Variants in LYST observed in about 807,000 individuals in gnomAD.
The protein encoded by LYST is lysosomal-trafficking regulator.
LYST carries 192 observed loss-of-function variants against 413.6 expected under a neutral mutation model. That is an observed-to-expected ratio of 0.46 (90% CI 0.41 to 0.52). The LOEUF (loss-of-function observed/expected upper bound fraction) is 0.52. Among genes scored for constraint, LYST ranks in the 20% least tolerant of loss-of-function variants. The probability of loss-of-function intolerance (pLI) is 0.00; values close to 1 mark genes in which losing one functional copy is unlikely to be tolerated. For missense variants in LYST, 3,815 were observed against 4,499.9 expected, an observed-to-expected ratio of 0.85 and a Z score of 4.35; for synonymous variants, 1,525 against 1,567.3, an observed-to-expected ratio of 0.97 and a Z score of 0.64.
At chr1:235,717,269 T>A (rs1313252874) in intron 40 of LYST, among the ~76,000 whole-genome samples, 1 of 152,222 alleles carries the variant, frequency 6.6e-6, no homozygotes, top group African/African-American at 2.4e-5. Context: ...GTGCTTAAAA[T>A]GACCAAGCTG....
At chr1:235,811,023 T>A (rs1422664506) in intron 4 of LYST, among the ~76,000 whole-genome samples, 1 of 152,234 alleles carries the variant, frequency 6.6e-6, no homozygotes, top group East Asian at 1.9e-4. Flanking sequence ...TGCACGCCTG[T>A]AATCCCAGCT....
In LYST at chr1:235,830,477, A is replaced by C; in HGVS notation, c.-7-53T>G. On this transcript the variant is annotated intron_variant, in intron 2 of 52. Transcript: ENST00000389793. ...AGATTAGGAAAACAAATACAAATTTACTTTTAAAACTATGTGTTTTTGTTG... is the reference window on the plus strand; with the variant it reads ...AGATTAGGAAAACAAATACAAATTTCCTTTTAAAACTATGTGTTTTTGTTG... 4.5e-6 allele frequency: 6 copies of C among 1,330,512 alleles called. 1 individual carries two copies. The South Asian group carries it at 7.8e-5, about 17-fold the overall frequency. The allele number at this position is 1,330,512 out of a possible 1,614,324, so 82.4% of individuals were successfully genotyped here.
rs1401145458 is a variant in LYST, at chr1:235,810,286, C to T, written c.532G>A (p.Ala178Thr). Residue 178 changes from alanine (A) to threonine (T), a missense_variant, in exon 5 of 53, where the codon GCA becomes ACA. Ala to Thr is a moderately conservative substitution (Grantham distance 58). Transcript: ENST00000389793. ...TGGGGCCTTCTATGCTTATTCATTG[C>T]TATGCCTTTTTCATCTGAATTGGCT... The part of the protein sequence containing the change: ...SEANSDEKGI[A>T]MNKHRRPHLL... 6.2e-6 allele frequency: 10 copies of T among 1,613,982 alleles called. No homozygotes were observed. Among genetic ancestry groups the T allele is most frequent in the African/African-American group, 1.3e-5 (1 of 74,920 alleles).
intron 10 of LYST, 75 bp downstream of exon 10, chr1:235,800,226 AGGCATGAGCCACCACACCT>A: frequency 1.2e-6 from 1 of 846,930 alleles, no homozygotes. Flanking sequence ...CTAAGATCAC[AGGCATGAGCCACCACACCT>A]GGCCAGAAGC....
intron 13 of LYST, 78 bp downstream of exon 13, chr1:235,788,623 T>C (rs1049694073): frequency 8.7e-6 from 12 of 1,385,352 alleles, no homozygotes; most frequent in Non-Finnish European, 1.1e-5. Context: ...CTTTTATTAG[T>C]AGATTTCACA....
chr1:235,815,644 C>T (rs187538660), intron 3 of LYST, among the ~76,000 whole-genome samples: 36 of 152,210 alleles, frequency 2.4e-4, no homozygotes, highest in African/African-American at 6.3e-4. Context: ...ATCGACAACA[C>T]CCAAGCTGAG....
chr1:235,856,939 GATTTT>G lies in LYST; in HGVS notation c.-98+9899_-98+9903del, dbSNP rs767288291. On this transcript the variant is annotated intron_variant, in intron 1 of 52. Coordinates refer to ENST00000389793, the MANE Select transcript of LYST (RefSeq NM_000081.4). The stretch of plus-strand genomic sequence containing the variant: ...TCTTACAAGTTACACAGGATATACT[GATTTT>G]TTTTTTTTTTTTTTTTTTGAGATGA... Among the ~76,000 whole-genome samples the G allele has an allele frequency of 6.7e-3, 856 of 128,262 alleles. 6 individuals carry two copies. The highest frequency in any genetic ancestry group is 0.026 in the African/African-American group (791 of 30,714). The allele number at this position is 128,262 out of a possible 152,430, so 84.1% of individuals were successfully genotyped here. A position where few individuals can be genotyped will look rare whatever the true frequency, so the allele number is the denominator to read the frequency against.
rs756281462 is a variant in LYST, at chr1:235,809,913, A to T, written c.905T>A (p.Leu302Gln). 1.9e-5 allele frequency: 31 copies of T among 1,613,914 alleles called. No homozygotes were observed. Among genetic ancestry groups the T allele is most frequent in the Non-Finnish European group, 2.4e-5 (28 of 1,179,994 alleles). ...FLAGFGDCCS[L>Q]SDNLESRVVS... ...TACTCGACTCTCCAAGTTGTCGCTC[A>T]GACTGCAGCAGTCCCCAAAGCCTGC... The change falls in exon 5 of 53, where the codon CTG (leucine) becomes CAG (glutamine). Residue 302 changes from leucine to glutamine, a missense_variant. Leu to Gln is a moderately radical substitution (Grantham distance 113). Around this residue, in one of 4 missense-constraint regions of LYST, gnomAD observed 1,648 missense variants for 1,810.3 expected, o/e 0.91. Transcript: ENST00000389793. This position sits in a 1 kb window ranked among gnomAD's most constrained non-coding sequence, Gnocchi z 4.0.
At chr1:235,874,869 A>T (rs1261643217) in intron 1 of LYST, among the ~76,000 whole-genome samples, 1 of 152,156 alleles carries the variant, frequency 6.6e-6, no homozygotes, top group Non-Finnish European at 1.5e-5. Context: ...ATGTGTGTGC[A>T]TAAAATCCGT....
At position 235,662,026 on chromosome 1, in the gene LYST, C is replaced by A. The variant is rs1194415434; in HGVS notation, c.*914G>T. The stretch of plus-strand genomic sequence containing the variant: ...TAATTCTGTTTTGGGGAAGAAAATT[C>A]TTCCTGCAGATTAGATCAAATGCCT... On this transcript the variant is annotated 3_prime_UTR_variant, in exon 53 of 53. Transcript: ENST00000389793. The A allele has an allele frequency of 6.6e-6, 1 of 152,154 alleles. No individual in the cohort carries two copies. Among genetic ancestry groups the A allele is most frequent in the Non-Finnish European group, 1.5e-5 (1 of 68,000 alleles). 9.4% of individuals were successfully genotyped at this position (152,154 alleles called of 1,614,324 possible). A position where few individuals can be genotyped will look rare whatever the true frequency, so the allele number is the denominator to read the frequency against.
chr1:235,690,036 AGAAG>A (rs949610685), intron 47 of LYST, among the ~76,000 whole-genome samples: 6 of 152,240 alleles, frequency 3.9e-5, no homozygotes, highest in African/African-American at 1.4e-4. Context: ...ACTCTTAAAT[AGAAG>A]GAATGCCTAG....
intron 49 of LYST, 98 bp from the exon 50 acceptor site, chr1:235,677,286 A>C: frequency 9.1e-7 from 1 of 1,096,104 alleles, no homozygotes; most frequent in Non-Finnish European, 1.4e-6. Flanking sequence ...CCTATTGTAC[A>C]TAAGGCATAC....
intron 3 of LYST, among the ~76,000 whole-genome samples, chr1:235,815,530 T>C (rs1673959336): frequency 6.6e-6 from 1 of 152,130 alleles, no homozygotes; most frequent in African/African-American, 2.4e-5. Flanking sequence ...TTTGGCTTTT[T>C]CATAGAAAGC....
upstream of LYST, among the ~76,000 whole-genome samples, chr1:235,869,282 C>G (rs1390246915): frequency 1.3e-5 from 2 of 152,034 alleles, no homozygotes; most frequent in Non-Finnish European, 1.5e-5. Context: ...ACCATCCTGG[C>G]TAACACGGTG....
rs143389299 is a variant in LYST at position 235,809,102 on chromosome 1, C to G, written c.1716G>C (p.Gln572His). The G allele has an allele frequency of 2.5e-6, 4 of 1,614,020 alleles. No individual in the cohort carries two copies. The highest frequency in any genetic ancestry group is 3.3e-5 in the Admixed American group (2 of 59,992). The part of the protein sequence containing the change: ...QQASLSSTCV[Q>H]ILSGVHNIGI... ...CAATGTTATGAACACCCGATAGGAT[C>G]TGGACACAAGTGCTGCTCAAGGAAG... The change falls in exon 5 of 53, where the codon CAG (glutamine) becomes CAC (histidine). Residue 572 changes from glutamine (Q) to histidine (H), a missense_variant. Coordinates refer to ENST00000389793, the MANE Select transcript of LYST (RefSeq NM_000081.4). The surrounding 1 kb of genome is among the most constrained non-coding windows in gnomAD (Gnocchi z 4.0).
In LYST at chr1:235,810,341, T is replaced by C; in HGVS notation, c.477A>G (p.Arg159=). Residue 159 remains arginine (R), a synonymous_variant, in exon 5 of 53, where the codon AGA becomes AGG. Coordinates refer to ENST00000389793, the MANE Select transcript of LYST (RefSeq NM_000081.4). ...ITHRYSVRDA[R]KTQLSTSDSE... The stretch of plus-strand genomic sequence containing the variant: ...AATCTGAGGTGGAGAGCTGTGTCTT[T>C]CTTGCATCTCTTACAGAATAGCGAT... The C allele has an allele frequency of 6.2e-7, 1 of 1,614,160 alleles. No homozygotes were observed.
chr1:235,740,501 A>C (rs1665271833), intron 31 of LYST, among the ~76,000 whole-genome samples: 1 of 152,094 alleles, frequency 6.6e-6, no homozygotes, highest in Non-Finnish European at 1.5e-5. Flanking sequence ...CCTTCAGATG[A>C]ATAGAATCAC....
At chr1:235,876,534 A>G (rs547984434) in intron 1 of LYST, among the ~76,000 whole-genome samples, 159 of 152,346 alleles carry the variant, frequency 1.0e-3, no homozygotes, top group Non-Finnish European at 1.9e-3. Context: ...TGAATTCTCT[A>G]TGATCTGTAG....
chr1:235,847,906 A>C (rs1432614034), intron 1 of LYST, among the ~76,000 whole-genome samples: 2 of 152,138 alleles, frequency 1.3e-5, no homozygotes, highest in Admixed American at 6.5e-5. Context: ...TTACTAATAG[A>C]CCTAAGAAAT....
Sources: allele counts gnomAD v4.1 joint callset (sites outside exome capture counted in the v4.1 genomes callset), GRCh38; gene constraint gnomAD v4.1.1; regional missense constraint gnomAD v4.1.1; non-coding constraint Gnocchi (gnomAD v3.1); transcripts MANE v1.5; gene names NCBI Gene and HGNC (gene_info 2026-07-23, HGNC 2026-07-21).